The following ABCC8 variants were observed in gnomAD, a reference collection of about 807,000 sequenced individuals.
The protein encoded by ABCC8 is ATP-binding cassette sub-family C member 8.
Under a neutral mutation model 188.0 loss-of-function variants are expected in ABCC8, and 137 were observed. The ratio of observed to expected loss-of-function variants is 0.73; its 90% CI spans 0.63 to 0.84. ABCC8 has a LOEUF of 0.84. Ranked by LOEUF, ABCC8 falls within the 40% of genes least tolerant of loss-of-function variation. The pLI is 0.00. For synonymous variants in ABCC8, 797 were observed against 846.5 expected (o/e 0.94, Z 1.01); for missense variants, 1,750 against 2,072.7 (o/e 0.84, Z 3.02).
At chr11:17,405,767 C>T (rs1378162445) in intron 26 of ABCC8, 1 of 608,692 alleles carries the variant, frequency 1.6e-6, no homozygotes, top group Non-Finnish European at 2.1e-6. Flanking sequence ...GTTAGCCTTT[C>T]AGTTTCTCAA....
rs552671722 is a variant in ABCC8 at position 17,448,564 on chromosome 11, G to A, written c.1284C>T (p.Leu428=). Residue 428 remains leucine, a synonymous_variant, in exon 8 of 39, where the codon CTC becomes CTT. Coordinates refer to ENST00000389817, the MANE Select transcript of ABCC8 (RefSeq NM_000352.6). ...CNLVAIDTNQ[L]MWFFFLCPNL... Reference sequence around the variant, plus strand: ...TTGGGCACAAGAAGAAAAACCACATGAGCTGATTGGTGTCGATGGCAACCA... The same window carrying A: ...TTGGGCACAAGAAGAAAAACCACATAAGCTGATTGGTGTCGATGGCAACCA... 1.2e-6 allele frequency: 2 copies of A among 1,614,126 alleles called. No individual in the cohort carries two copies. The highest frequency in any genetic ancestry group is 1.1e-5 in the South Asian group (1 of 91,076).
chr11:17,413,025 A>G, intron 20 of ABCC8: 1 of 658,148 alleles, frequency 1.5e-6, no homozygotes. Context: ...AAAATCACAC[A>G]AAAGGAGGAC....
chr11:17,398,433 G>A lies in ABCC8; in HGVS notation c.3659C>T (p.Ala1220Val), dbSNP rs1429164131. The change falls in exon 30 of 39, where the codon GCC becomes GTC. Residue 1220 changes from alanine to valine, a missense_variant. Physicochemically the swap from Ala to Val is moderately conservative, Grantham distance 64. Coordinates refer to ENST00000389817, the MANE Select transcript of ABCC8 (RefSeq NM_000352.6). ...TTCGAGAAGCTTCTGCTGGAACCGGGCCTCATACCTGGAGGGAGGATGAGA... is the reference window on the plus strand; with the variant it reads ...TTCGAGAAGCTTCTGCTGGAACCGGACCTCATACCTGGAGGGAGGATGAGA... ...LTTIRAFRYE[A>V]RFQQKLLEYT... 1.2e-6 allele frequency: 2 copies of A among 1,614,080 alleles called. No individual in the cohort carries two copies. Among genetic ancestry groups the A allele is most frequent in the Non-Finnish European group, 1.7e-6 (2 of 1,179,988 alleles).
chr11:17,402,820 T>C, intron 28 of ABCC8, 67 bp from the exon 29 acceptor site: 1 of 1,575,960 alleles, frequency 6.3e-7, no homozygotes, highest in Non-Finnish European at 8.7e-7. Context: ...GCCTGAAGCC[T>C]AGCTCCACCT....
At chr11:17,395,302 A>G in intron 35 of ABCC8, 27 bp from the exon 36 acceptor site, 1 of 1,559,268 alleles carries the variant, frequency 6.4e-7, no homozygotes, top group Non-Finnish European at 8.7e-7. Flanking sequence ...AAGCCCCAGT[A>G]GGGAGGGAGC....
chr11:17,426,394 G>T (rs1355444140), intron 16 of ABCC8, among the ~76,000 whole-genome samples: 1 of 152,140 alleles, frequency 6.6e-6, no homozygotes, highest in Non-Finnish European at 1.5e-5. Context: ...GGTGTGAGAT[G>T]GTATCTCATT....
chr11:17,438,457 T>G (rs975904846), intron 10 of ABCC8, among the ~76,000 whole-genome samples: 1 of 152,066 alleles, frequency 6.6e-6, no homozygotes, highest in South Asian at 2.1e-4. Context: ...CTCTTTAACA[T>G]CCAGAACCTC....
chr11:17,427,840 A>G lies in ABCC8; in HGVS notation c.2116+27T>C, dbSNP rs1043103444. 1 of 1,613,274 alleles carries G rather than the reference A, an allele frequency of 6.2e-7. No homozygotes were observed. Among genetic ancestry groups the G allele is most frequent in the Admixed American group, 1.7e-5 (1 of 59,892 alleles). ...TATTCAGTGGGACATGGGGAGGGGC[A>G]TGCTGGAGGGGTGGACTGGGCCATA... On this transcript the variant is annotated intron_variant, in intron 15 of 38. Coordinates refer to ENST00000389817, the MANE Select transcript of ABCC8 (RefSeq NM_000352.6). This position sits in a 1 kb window ranked among gnomAD's most constrained non-coding sequence, Gnocchi z 5.0.
At chr11:17,411,062 G>C (rs979106932) in intron 21 of ABCC8, among the ~76,000 whole-genome samples, 1 of 152,188 alleles carries the variant, frequency 6.6e-6, no homozygotes. Context: ...CTCCTGAGCT[G>C]TTCCTCTGCC....
rs1954302088 is a variant in ABCC8 at position 17,402,628 on chromosome 11, C to T, written c.3650+33G>A. ...TGTGCCCCCTGGCCCCACCCCTGTT[C>T]CACTCCTACCTTGGGGGAATGTGGA... On this transcript the variant is annotated intron_variant, in intron 29 of 38. Coordinates refer to ENST00000389817, the MANE Select transcript of ABCC8 (RefSeq NM_000352.6). 4 of 1,614,080 alleles carry T rather than the reference C, an allele frequency of 2.5e-6. No individual in the cohort carries two copies. In the African/African-American group the frequency reaches 5.3e-5, roughly 22 times the overall value.
chr11:17,420,889 G>A (rs984813402), intron 16 of ABCC8, among the ~76,000 whole-genome samples: 4 of 152,226 alleles, frequency 2.6e-5, no homozygotes, highest in Non-Finnish European at 4.4e-5. Context: ...GGATTAAAGA[G>A]AGAGTTTGCA....
chr11:17,435,716 G>A (rs199704053), intron 10 of ABCC8: 1 of 1,376,394 alleles, frequency 7.3e-7, no homozygotes, highest in East Asian at 2.3e-5. Flanking sequence ...GTAAGAACCG[G>A]GACAACCACT....
chr11:17,456,043 C>T (rs561706940), intron 6 of ABCC8, among the ~76,000 whole-genome samples: 11 of 151,814 alleles, frequency 7.2e-5, no homozygotes, highest in Non-Finnish European at 1.6e-4. Flanking sequence ...GAAGAGGGTC[C>T]TAGGAAACGG....
In ABCC8 at chr11:17,448,495, TC is replaced by T. The variant is rs1462438822; in HGVS notation, c.1332+20del. On this transcript the variant is annotated intron_variant, in intron 8 of 38. Transcript: ENST00000389817. ...TGTGTGTCCTGCTGCCCCCCTCCCT[TC>T]CCCTCAGCCCATCTAGTACCTGTAC... 1 of 1,609,852 alleles carries T rather than the reference TC, an allele frequency of 6.2e-7. No homozygotes were observed. The highest frequency in any genetic ancestry group is 1.7e-5 in the Admixed American group (1 of 59,906).
chr11:17,402,354 A>C (rs893687455), intron 29 of ABCC8, among the ~76,000 whole-genome samples: 2 of 152,138 alleles, frequency 1.3e-5, no homozygotes, highest in Non-Finnish European at 2.9e-5. Context: ...GGTGGCCCGC[A>C]CCTAAGGCCC....
Position 17,406,710 on chromosome 11 carries a change from T to G in ABCC8, c.3241A>C (p.Thr1081Pro). Residue 1081 changes from threonine to proline, a missense_variant, in exon 26 of 39, where the codon ACG becomes CCG. Thr to Pro is a conservative substitution (Grantham distance 38, BLOSUM62 -1). Coordinates refer to ENST00000389817, the MANE Select transcript of ABCC8 (RefSeq NM_000352.6). ...CSLGIVLCLV[T>P]SVTVEWTGLK... is the part of the protein sequence containing the mutation. ...CCTGTCCACTCCACAGTGACAGACG[T>G]GACGAGGCACAGCACAATGCCCAGG... 1 of 1,614,154 alleles carries G rather than the reference T, an allele frequency of 6.2e-7. No homozygotes were observed. Among genetic ancestry groups the G allele is most frequent in the Non-Finnish European group, 8.5e-7 (1 of 1,180,028 alleles).
Position 17,404,647 on chromosome 11 carries a change from C to T in ABCC8, c.3422G>A (p.Cys1141Tyr), listed in dbSNP as rs1443346723. Residue 1141 changes from cysteine to tyrosine, a missense_variant, in exon 28 of 39, where the codon TGC becomes TAC. By Grantham distance (194) the Cys-to-Tyr change is radical. Coordinates refer to ENST00000389817, the MANE Select transcript of ABCC8 (RefSeq NM_000352.6). The surrounding 1 kb of genome is among the most constrained non-coding windows in gnomAD (Gnocchi z 4.7). ...ACAGAGCAGGGTGGAGCGGCTCAGG[C>T]ACTCCAGCGTGGATGGGATGTGCTG... ...IDQHIPSTLE[C>Y]LSRSTLLCVS... is the part of the protein sequence containing the mutation. 2 of 1,611,476 alleles carry T rather than the reference C, an allele frequency of 1.2e-6. No homozygotes were observed. The highest frequency in any genetic ancestry group is 1.7e-6 in the Non-Finnish European group (2 of 1,179,158).
At chr11:17,415,225 G>A in intron 18 of ABCC8, 79 bp downstream of exon 18, 1 of 1,553,914 alleles carries the variant, frequency 6.4e-7, no homozygotes, top group Admixed American at 1.9e-5. Flanking sequence ...CTGCCCAGCA[G>A]GGTGATGTGG....
At chr11:17,417,947 C>T (rs993784380) in intron 16 of ABCC8, among the ~76,000 whole-genome samples, 2 of 151,670 alleles carry the variant, frequency 1.3e-5, no homozygotes, top group Non-Finnish European at 2.9e-5. Flanking sequence ...AGACAGGAGT[C>T]TCATTCCCTA....
Sources: gnomAD v4.1 joint callset for allele counts (sites outside exome capture counted in the v4.1 genomes callset) on GRCh38, gnomAD v4.1.1 for gene constraint, Gnocchi (gnomAD v3.1) non-coding constraint, MANE v1.5 for transcripts, NCBI Gene and HGNC (gene_info 2026-07-23, HGNC 2026-07-21) for gene names.